The following ZNF778 variants were observed in gnomAD, a reference collection of about 807,000 sequenced individuals.
ZNF778 encodes zinc finger protein 778.
A neutral mutation model predicts 23.9 loss-of-function variants in ZNF778; 37 were observed. The observed-to-expected ratio is 1.54, with a 90% CI of 1.19 to 2.03. The LOEUF is 2.03. Among genes scored for constraint, ZNF778 ranks in the 30% most tolerant of loss-of-function variants. The pLI is 0.00. For missense variants in ZNF778, 1,297 were observed against 934.4 expected, an observed-to-expected ratio of 1.39 and a Z score of -5.06; for synonymous variants, 483 against 343.9, an observed-to-expected ratio of 1.40 and a Z score of -4.48.
chr16:89,233,064 A>G lies in ZNF778; in HGVS notation c.*4502A>G, dbSNP rs1221282028. 1.6e-6 allele frequency: 2 copies of G among 1,232,298 alleles called. No individual in the cohort carries two copies. The highest frequency in any genetic ancestry group is 5.9e-5 in the East Asian group (1 of 16,912). 76.3% of individuals were successfully genotyped at this position (1,232,298 alleles called of 1,614,324 possible). ...CAACTCAGCTCGCTCTGCGTATGCA[A>G]CTCAGCTCGCACTGCGTATGCAACT... On this transcript the variant is annotated 3_prime_UTR_variant, in exon 7 of 7. Coordinates refer to ENST00000433976, the MANE Select transcript of ZNF778 (RefSeq NM_001201407.2).
At position 89,227,244 on chromosome 16, in the gene ZNF778, C is replaced by T. The variant is rs1176343072; in HGVS notation, c.956C>T (p.Pro319Leu). 1 of 1,613,850 alleles carries T rather than the reference C, an allele frequency of 6.2e-7. No individual in the cohort carries two copies. The highest frequency in any genetic ancestry group is 8.5e-7 in the Non-Finnish European group (1 of 1,179,758). ...TTGGAAGAATGTGGAAAAGCCTCCC[C>T]TGTTTCTTCCAGCCTAACTCAACAT... ...CELEECGKAS[P>L]VSSSLTQHVR... The change falls in exon 7 of 7, where the codon CCT (proline) becomes CTT (leucine). Residue 319 changes from proline (P) to leucine (L), a missense_variant. Coordinates refer to ENST00000433976, the MANE Select transcript of ZNF778 (RefSeq NM_001201407.2).
In ZNF778 at chr16:89,230,393, G is replaced by C. The variant is rs1211223436; in HGVS notation, c.*1831G>C. The stretch of plus-strand genomic sequence containing the variant: ...CTCCAGATCCTCTTCACAGCATGCA[G>C]AGCGGTCCTGGCAGCTGCTGCAATC... On this transcript the variant is annotated 3_prime_UTR_variant, in exon 7 of 7. Transcript: ENST00000433976. The C allele has an allele frequency of 6.6e-6, 1 of 152,350 alleles. No homozygotes were observed. The highest frequency in any genetic ancestry group is 1.9e-4 in the East Asian group (1 of 5,196). The allele number at this position is 152,350 out of a possible 1,614,324, so 9.4% of individuals were successfully genotyped here.
rs2030488212 is a variant in ZNF778, at chr16:89,217,815, C to T, written c.-227C>T. On this transcript the variant is annotated 5_prime_UTR_variant, in exon 1 of 7. Transcript: ENST00000433976. ...TGGTCCGGGAGTGGGCGCCCGCCCGCCTGCCTCGCGCCTTGCGCCCCCGGC... is the reference window on the plus strand; with the variant it reads ...TGGTCCGGGAGTGGGCGCCCGCCCGTCTGCCTCGCGCCTTGCGCCCCCGGC... 6.6e-6 allele frequency: 1 copy of T among 152,284 alleles called. No homozygotes were observed. Among genetic ancestry groups the T allele is most frequent in the Admixed American group, 6.5e-5 (1 of 15,294 alleles). The allele number at this position is 152,284 out of a possible 1,614,324, so 9.4% of individuals were successfully genotyped here. A position where few individuals can be genotyped will look rare whatever the true frequency, so the allele number is the denominator to read the frequency against.
chr16:89,232,499 C>A lies in ZNF778; in HGVS notation c.*3937C>A. On this transcript the variant is annotated 3_prime_UTR_variant, in exon 7 of 7. Coordinates refer to ENST00000433976, the MANE Select transcript of ZNF778 (RefSeq NM_001201407.2). Reference sequence around the variant, plus strand: ...CTGCAAGTACTGGTTAGGCAGATACCTGTATTTCTCTTCCTAACTCTCAGA... The same window carrying A: ...CTGCAAGTACTGGTTAGGCAGATACATGTATTTCTCTTCCTAACTCTCAGA... 1 of 554,414 alleles carries A rather than the reference C, an allele frequency of 1.8e-6. No homozygotes were observed. The highest frequency in any genetic ancestry group is 2.7e-6 in the Non-Finnish European group (1 of 366,180). The allele number at this position is 554,414 out of a possible 1,614,324, so 34.3% of individuals were successfully genotyped here. A position where few individuals can be genotyped will look rare whatever the true frequency, so the allele number is the denominator to read the frequency against.
Position 89,228,455 on chromosome 16 carries a change from TACACTG to T in ZNF778, c.2169_2174del (p.Tyr723_Glu725delinsTer). On this transcript the variant is annotated stop_gained and inframe_deletion, in exon 7 of 7. Coordinates refer to ENST00000433976, the MANE Select transcript of ZNF778 (RefSeq NM_001201407.2). LOFTEE classifies it low-confidence loss of function (END_TRUNC). ...TCTACTAAAAGAACATTTAAAAACT[TACACTG>T]AAGAGCAGGTTTTTGTATGTAAGGA... 1 of 1,613,882 alleles carries T rather than the reference TACACTG, an allele frequency of 6.2e-7. No homozygotes were observed. Among genetic ancestry groups the T allele is most frequent in the South Asian group, 1.1e-5 (1 of 91,028 alleles).
chr16:89,227,533 C>T lies in ZNF778; in HGVS notation c.1245C>T (p.His415=), dbSNP rs1567505948. 1 of 1,614,062 alleles carries T rather than the reference C, an allele frequency of 6.2e-7. No homozygotes were observed. Among genetic ancestry groups the T allele is most frequent in the African/African-American group, 1.3e-5 (1 of 75,012 alleles). ...GCCTTAATAATCATGTTCGAATTCA[C>T]ACTGGAATAAAACCCTATACATGCA... ...SSCLNNHVRI[H]TGIKPYTCSY... The change falls in exon 7 of 7, where the codon CAC becomes CAT. Residue 415 remains histidine, a synonymous_variant. Transcript: ENST00000433976.
chr16:89,230,246 C>A lies in ZNF778; in HGVS notation c.*1684C>A. On this transcript the variant is annotated 3_prime_UTR_variant, in exon 7 of 7. Coordinates refer to ENST00000433976, the MANE Select transcript of ZNF778 (RefSeq NM_001201407.2). ...AGAGTGGAGAGGGGCGAGGTCTGTA[C>A]CCTGAGATGCCCCCGTTTCATGGCC... The A allele has an allele frequency of 4.9e-6, 1 of 204,308 alleles. No homozygotes were observed. The highest frequency in any genetic ancestry group is 8.6e-6 in the Non-Finnish European group (1 of 115,836). 12.7% of individuals were successfully genotyped at this position (204,308 alleles called of 1,614,324 possible).
rs1411556894 is a variant in ZNF778, at chr16:89,229,777, T to TCC, written c.*1215_*1216insCC. ...GTTAGTCTTGAGGATCCAGATGTGA[T>TCC]TCTGTGAGCAGTGTAGGCTCTGGTT... On this transcript the variant is annotated 3_prime_UTR_variant, in exon 7 of 7. Coordinates refer to ENST00000433976, the MANE Select transcript of ZNF778 (RefSeq NM_001201407.2). 2.0e-6 allele frequency: 2 copies of TCC among 983,630 alleles called. No individual in the cohort carries two copies. Among genetic ancestry groups the TCC allele is most frequent in the Admixed American group, 6.2e-5 (1 of 16,094 alleles). The allele number at this position is 983,630 out of a possible 1,614,324, so 60.9% of individuals were successfully genotyped here.
At position 89,229,268 on chromosome 16, in the gene ZNF778, T is replaced by C; in HGVS notation, c.*706T>C. The C allele has an allele frequency of 1.0e-6, 1 of 985,568 alleles. No homozygotes were observed. Among genetic ancestry groups the C allele is most frequent in the African/African-American group, 1.7e-5 (1 of 57,294 alleles). The allele number at this position is 985,568 out of a possible 1,614,324, so 61.1% of individuals were successfully genotyped here. A position where few individuals can be genotyped will look rare whatever the true frequency, so the allele number is the denominator to read the frequency against. On this transcript the variant is annotated 3_prime_UTR_variant, in exon 7 of 7. Coordinates refer to ENST00000433976, the MANE Select transcript of ZNF778 (RefSeq NM_001201407.2). ...ATGTGATTCTTTGAGCAGCGTAGGC[T>C]CTGGTTGGTTAGTCTTGAGGATCCA...
chr16:89,231,624 C>G lies in ZNF778; in HGVS notation c.*3062C>G, dbSNP rs139559210. The G allele has an allele frequency of 6.6e-6, 1 of 152,330 alleles. No homozygotes were observed. The highest frequency in any genetic ancestry group is 2.4e-5 in the African/African-American group (1 of 41,546). The allele number at this position is 152,330 out of a possible 1,614,324, so 9.4% of individuals were successfully genotyped here. Reference sequence around the variant, plus strand: ...TGAGCTGAGCTTGCTGTCCGCTAACCCGTGATCCTGGTGTAATCTCAACCA... The same window carrying G: ...TGAGCTGAGCTTGCTGTCCGCTAACGCGTGATCCTGGTGTAATCTCAACCA... On this transcript the variant is annotated 3_prime_UTR_variant, in exon 7 of 7. Transcript: ENST00000433976.
Position 89,228,464 on chromosome 16 carries a change from G to T in ZNF778, c.2176G>T (p.Glu726Ter). The change falls in exon 7 of 7, where the codon GAG (glutamate) becomes TAG (stop). Residue 726 changes from glutamate to a stop codon, truncating the protein, a stop_gained. Coordinates refer to ENST00000433976, the MANE Select transcript of ZNF778 (RefSeq NM_001201407.2). LOFTEE classifies it low-confidence loss of function (END_TRUNC). ...LKEHLKTYTE[E>*]QVFVCKDCGK... Reference sequence around the variant, plus strand: ...AGAACATTTAAAAACTTACACTGAAGAGCAGGTTTTTGTATGTAAGGACTG... The same window carrying T: ...AGAACATTTAAAAACTTACACTGAATAGCAGGTTTTTGTATGTAAGGACTG... The T allele has an allele frequency of 6.2e-7, 1 of 1,613,750 alleles. No homozygotes were observed. The highest frequency in any genetic ancestry group is 8.5e-7 in the Non-Finnish European group (1 of 1,179,842).
At chr16:89,226,266 C>T (rs191267642) in intron 6 of ZNF778, among the ~76,000 whole-genome samples, 10 of 152,098 alleles carry the variant, frequency 6.6e-5, no homozygotes, top group African/African-American at 1.7e-4. Context: ...AATGCAACGG[C>T]GCAATCTTAG....
chr16:89,224,297 G>A (rs2031258429), intron 4 of ZNF778, among the ~76,000 whole-genome samples: 2 of 151,804 alleles, frequency 1.3e-5, no homozygotes. Flanking sequence ...TTGGGAGGCT[G>A]GGCGCAGTGG....
At position 89,229,885 on chromosome 16, in the gene ZNF778, C is replaced by T. The variant is rs1488069666; in HGVS notation, c.*1323C>T. The T allele has an allele frequency of 3.1e-6, 3 of 980,372 alleles. No homozygotes were observed. Among genetic ancestry groups the T allele is most frequent in the South Asian group, 4.7e-5 (1 of 21,110 alleles). 60.7% of individuals were successfully genotyped at this position (980,372 alleles called of 1,614,324 possible). ...TAGTCTTGAGGATCCAGATGTGATC[C>T]TGTGTGAGCAGCGTAGGCTCTGGTT... On this transcript the variant is annotated 3_prime_UTR_variant, in exon 7 of 7. Coordinates refer to ENST00000433976, the MANE Select transcript of ZNF778 (RefSeq NM_001201407.2).
At chr16:89,220,419 A>T (rs1280578589) in intron 1 of ZNF778, among the ~76,000 whole-genome samples, 1 of 152,158 alleles carries the variant, frequency 6.6e-6, no homozygotes, top group Non-Finnish European at 1.5e-5. Flanking sequence ...ACACTTTGGG[A>T]GGCCGAGGTG....
chr16:89,232,972 A>G lies in ZNF778; in HGVS notation c.*4410A>G, dbSNP rs553067758. The G allele has an allele frequency of 8.2e-5, 103 of 1,259,862 alleles. 6 individuals are homozygous for G. The highest frequency in any genetic ancestry group is 1.2e-4 in the Admixed American group (5 of 41,342). The allele number at this position is 1,259,862 out of a possible 1,614,324, so 78.0% of individuals were successfully genotyped here. ...CAACTCAGCTCGCTCTGCGTATGCA[A>G]CTGAGCTCGCTCTGCGTATGCAACC... is the stretch of plus-strand genomic sequence containing the variant. On this transcript the variant is annotated 3_prime_UTR_variant, in exon 7 of 7. Coordinates refer to ENST00000433976, the MANE Select transcript of ZNF778 (RefSeq NM_001201407.2).
chr16:89,226,730 A>G lies in ZNF778; in HGVS notation c.442A>G (p.Thr148Ala). 6.2e-7 allele frequency: 1 copy of G among 1,613,664 alleles called. No individual in the cohort carries two copies. The highest frequency in any genetic ancestry group is 1.7e-5 in the Admixed American group (1 of 59,972). The change falls in exon 7 of 7, where the codon ACG (threonine) becomes GCG (alanine). Residue 148 changes from threonine (T) to alanine (A), a missense_variant. Physicochemically the swap from Thr to Ala is moderately conservative, Grantham distance 58. Coordinates refer to ENST00000433976, the MANE Select transcript of ZNF778 (RefSeq NM_001201407.2). ...SHNGGQLCDR[T>A]QCGEAFSEHS... Reference sequence around the variant, plus strand: ...CAATGGAGGGCAGCTCTGTGACCGCACGCAGTGTGGAGAAGCTTTCAGTGA... The same window carrying G: ...CAATGGAGGGCAGCTCTGTGACCGCGCGCAGTGTGGAGAAGCTTTCAGTGA...
At position 89,228,535 on chromosome 16, in the gene ZNF778, A is replaced by T. The variant is rs765385054; in HGVS notation, c.2247A>T (p.Gln749His). Residue 749 changes from glutamine (Q) to histidine (H), a missense_variant, in exon 7 of 7, where the codon CAA becomes CAT. Physicochemically the swap from Gln to His is conservative, Grantham distance 24 (BLOSUM62 0). Transcript: ENST00000433976. ...KNSSCLNHHT[Q>H]IHTDEKPF ...CCTCATGCCTTAACCATCACACTCA[A>T]ATTCACACTGATGAGAAACCTTTCT... is the stretch of plus-strand genomic sequence containing the variant. 7 of 1,593,718 alleles carry T rather than the reference A, an allele frequency of 4.4e-6. No individual in the cohort carries two copies. Among genetic ancestry groups the T allele is most frequent in the Non-Finnish European group, 6.0e-6 (7 of 1,172,462 alleles).
At chr16:89,219,285 T>G (rs1786239754) in intron 1 of ZNF778, among the ~76,000 whole-genome samples, 1 of 152,194 alleles carries the variant, frequency 6.6e-6, no homozygotes, top group African/African-American at 2.4e-5. Flanking sequence ...ACCCCTGTGG[T>G]TTCTCTATCA....
Sources: gnomAD v4.1 joint callset for allele counts (sites outside exome capture counted in the v4.1 genomes callset) on GRCh38, gnomAD v4.1.1 for gene constraint, MANE v1.5 for transcripts, NCBI Gene and HGNC (gene_info 2026-07-23, HGNC 2026-07-21) for gene names.